The following SLIT3 variants were observed in gnomAD, a reference collection of about 807,000 sequenced individuals.
The protein encoded by SLIT3 is slit guidance ligand 3.
In SLIT3, 68 loss-of-function variants were observed where a neutral mutation model predicts 184.0. The observed-to-expected ratio is 0.37, with a 90% CI of 0.30 to 0.45. The LOEUF is 0.45. SLIT3 is among the 20% of genes least tolerant of loss of function. The pLI is 1.00. For missense variants in SLIT3, 1,707 were observed against 2,026.0 expected (o/e 0.84, Z 3.02); for synonymous variants, 831 against 828.6 (o/e 1.00, Z -0.05).
intron 20 of SLIT3, among the ~76,000 whole-genome samples, chr5:168,729,392 A>T (rs1763228927): frequency 6.6e-6 from 1 of 152,138 alleles, no homozygotes; most frequent in South Asian, 2.1e-4. Context: ...AATTAGCAAG[A>T]GAAAAGCATG....
rs1049170360 is a variant in SLIT3 at position 168,671,113 on chromosome 5, C to T, written c.4127+85G>A. 54 of 1,453,568 alleles carry T rather than the reference C, an allele frequency of 3.7e-5. No homozygotes were observed. The East Asian group carries it at 1.2e-3, about 33-fold the overall frequency. The allele number at this position is 1,453,568 out of a possible 1,614,324, so 90.0% of individuals were successfully genotyped here. On this transcript the variant is annotated intron_variant, in intron 34 of 35. Coordinates refer to ENST00000519560, the MANE Select transcript of SLIT3 (RefSeq NM_003062.4). ...GTCTGACTGCAACTCCTCCAGCCTC[C>T]AGTAGTGCCTATTTCTCAGGTGGGG...
chr5:169,255,412 T>C (rs1486151389), intron 1 of SLIT3, among the ~76,000 whole-genome samples: 1 of 152,148 alleles, frequency 6.6e-6, no homozygotes, highest in African/African-American at 2.4e-5. Flanking sequence ...CCTGACCCTG[T>C]GTAGACCTAG....
intron 4 of SLIT3, among the ~76,000 whole-genome samples, chr5:169,099,435 C>T (rs1188921277): frequency 6.6e-6 from 1 of 152,196 alleles, no homozygotes; most frequent in East Asian, 1.9e-4. Context: ...TCCTTCCCTT[C>T]CATGTGCTAG....
chr5:168,696,532 T>A, intron 27 of SLIT3, 101 bp from the exon 28 acceptor site: 3 of 1,402,556 alleles, frequency 2.1e-6, no homozygotes, highest in Non-Finnish European at 3.0e-6. Context: ...TACAATTAGT[T>A]TTTCCTCCAG....
At chr5:169,248,763 C>G (rs1765680456) in intron 2 of SLIT3, among the ~76,000 whole-genome samples, 1 of 152,236 alleles carries the variant, frequency 6.6e-6, no homozygotes, top group Middle Eastern at 3.4e-3. Flanking sequence ...TAGCAGAGCC[C>G]TTAGACTGCC....
chr5:168,774,210 C>T (rs1348436513), intron 13 of SLIT3, 25 bp downstream of exon 13: 2 of 1,573,598 alleles, frequency 1.3e-6, no homozygotes, highest in African/African-American at 2.7e-5. Context: ...TGGGCACCCA[C>T]TGGCACCCGA....
intron 20 of SLIT3, among the ~76,000 whole-genome samples, chr5:168,746,466 GCGGT>G (rs1310132436): frequency 2.1e-5 from 1 of 47,054 alleles, no homozygotes; most frequent in Non-Finnish European, 4.2e-5. Context: ...GTGGTGGTGT[GCGGT>G]GGTGTGGGTG....
intron 29 of SLIT3, among the ~76,000 whole-genome samples, chr5:168,689,681 A>G (rs939053454): frequency 1.3e-5 from 2 of 152,178 alleles, no homozygotes; most frequent in African/African-American, 2.4e-5. Flanking sequence ...TTGAGACCTC[A>G]TTGAGGGAGA....
intron 5 of SLIT3, among the ~76,000 whole-genome samples, chr5:168,876,935 C>T (rs1561982117): frequency 1.3e-5 from 2 of 152,084 alleles, no homozygotes; most frequent in African/African-American, 4.8e-5. Context: ...TCATATAAAG[C>T]ATTTTAACAA....
At position 168,907,592 on chromosome 5, in the gene SLIT3, C is replaced by T. The variant is rs1761093201; in HGVS notation, c.414-24256G>A. Among the ~76,000 whole-genome samples the T allele has an allele frequency of 2.0e-5, 3 of 152,086 alleles. No individual in the cohort carries two copies. The South Asian group carries it at 6.2e-4, about 32-fold the overall frequency. ...ATGTCCAAGCTTGCTTCAGTGACTT[C>T]AATGACTGTGTATTACATGTATGAT... On this transcript the variant is annotated intron_variant, in intron 4 of 35. Transcript: ENST00000519560.
chr5:168,945,130 A>G (rs1475866072), intron 4 of SLIT3, among the ~76,000 whole-genome samples: 1 of 152,214 alleles, frequency 6.6e-6, no homozygotes, highest in Non-Finnish European at 1.5e-5. Flanking sequence ...CATGCCCCAC[A>G]AAGTCACATC....
At chr5:168,666,789 G>A (rs568730370) in intron 35 of SLIT3, 100 bp from the exon 36 acceptor site, 2 of 1,565,406 alleles carry the variant, frequency 1.3e-6, no homozygotes, top group South Asian at 2.3e-5. Context: ...GTGCTCTGAA[G>A]ACTGTAAGAA....
intron 4 of SLIT3, among the ~76,000 whole-genome samples, chr5:168,918,293 A>AG (rs1254862578): frequency 3.3e-5 from 5 of 152,254 alleles, no homozygotes; most frequent in Admixed American, 3.3e-4. Flanking sequence ...CAAGGTGTGG[A>AG]GAGACTCATA....
At chr5:169,063,894 A>T (rs540233270) in intron 4 of SLIT3, among the ~76,000 whole-genome samples, 1 of 152,290 alleles carries the variant, frequency 6.6e-6, no homozygotes, top group South Asian at 2.1e-4. Flanking sequence ...TTTCCTCTCA[A>T]CATAAATTCT....
chr5:168,960,598 C>T (rs1284090660), intron 4 of SLIT3, among the ~76,000 whole-genome samples: 2 of 152,208 alleles, frequency 1.3e-5, no homozygotes, highest in Non-Finnish European at 2.9e-5. Context: ...CATTCCATGA[C>T]AGGAGGCATG....
In SLIT3 at chr5:168,671,339, G is replaced by A. The variant is rs764470616; in HGVS notation, c.3986C>T (p.Ser1329Leu). ...KALPPQSLGVSPGCKSCTVCK... is the reference protein window; with the variant it reads ...KALPPQSLGVLPGCKSCTVCK... ...CACGGTGCAGGACTTGCAGCCTGGT[G>A]ACACCCCCAGGGACTGTGGTGGGAG... Residue 1329 changes from serine (S) to leucine (L), a missense_variant, in exon 34 of 36, where the codon TCA becomes TTA. Transcript: ENST00000519560. 3 of 1,614,106 alleles carry A rather than the reference G, an allele frequency of 1.9e-6. No individual in the cohort carries two copies. The South Asian group carries it at 3.3e-5, about 18-fold the overall frequency.
intron 20 of SLIT3, among the ~76,000 whole-genome samples, chr5:168,728,720 A>T (rs2113390980): frequency 1.3e-5 from 2 of 152,120 alleles, no homozygotes; most frequent in Middle Eastern, 3.4e-3. Flanking sequence ...GGAATTTGAG[A>T]CCAGCCTGCG....
intron 4 of SLIT3, among the ~76,000 whole-genome samples, chr5:169,189,124 T>C (rs190882280): frequency 3.3e-5 from 5 of 152,288 alleles, no homozygotes; most frequent in African/African-American, 1.2e-4. Flanking sequence ...TCATGTTCTG[T>C]GTGTTTGAAC....
intron 4 of SLIT3, among the ~76,000 whole-genome samples, chr5:168,994,966 G>C (rs1054847916): frequency 6.6e-6 from 1 of 152,044 alleles, no homozygotes; most frequent in South Asian, 2.1e-4. Context: ...TGCATGTCTT[G>C]TCTCCTATAA....
Sources: allele counts gnomAD v4.1 joint callset (sites outside exome capture counted in the v4.1 genomes callset), GRCh38; gene constraint gnomAD v4.1.1; transcripts MANE v1.5; gene names NCBI Gene and HGNC (gene_info 2026-07-23, HGNC 2026-07-21).